DST: variants seen among roughly 807,000 people sequenced by gnomAD.
DST encodes the protein dystonin, also known as bullous pemphigoid antigen.
Under a neutral mutation model 875.2 loss-of-function variants are expected in DST, and 253 were observed. That is an observed-to-expected ratio of 0.29 (90% confidence interval 0.26 to 0.32). The LOEUF is 0.32. Ranked by LOEUF, DST falls within the 10% of genes least tolerant of loss-of-function variation. The pLI is 1.00. For missense variants in DST, 8,287 were observed against 9,111.6 expected (o/e 0.91, Z 3.68); for synonymous variants, 3,124 against 3,197.1 (o/e 0.98, Z 0.77).
At chr6:56,716,586 A>C (rs1328852153) in intron 5 of DST, among the ~76,000 whole-genome samples, 1 of 152,236 alleles carries the variant, frequency 6.6e-6, no homozygotes, top group Non-Finnish European at 1.5e-5. Flanking sequence ...GGGATGGCTC[A>C]CAACTGTAAT....
At chr6:56,934,113 C>A (rs1184681906) in intron 2 of DST, among the ~76,000 whole-genome samples, 1 of 152,018 alleles carries the variant, frequency 6.6e-6, no homozygotes, top group African/African-American at 2.4e-5. Context: ...AAAATCTTCC[C>A]ATCTCAGCCT....
At chr6:56,841,089 C>T (rs748232313) in intron 4 of DST, among the ~76,000 whole-genome samples, 4 of 152,150 alleles carry the variant, frequency 2.6e-5, no homozygotes, top group Non-Finnish European at 5.9e-5. Flanking sequence ...ACTGACACTC[C>T]CTATTCAAAG....
chr6:56,505,481 G>GA (rs71549712), intron 77 of DST, among the ~76,000 whole-genome samples: 97,544 of 139,576 alleles, frequency 0.7, 32,766 homozygotes, highest in East Asian at 0.78. Context: ...GGTTACAAAA[G>GA]AAAAAAAAAA....
At chr6:56,943,031 C>T (rs1197748434) in intron 2 of DST, among the ~76,000 whole-genome samples, 1 of 152,108 alleles carries the variant, frequency 6.6e-6, no homozygotes, top group Non-Finnish European at 1.5e-5. Flanking sequence ...CAATATTTGC[C>T]ATTTCTGACG....
chr6:56,777,228 T>C (rs182808659), intron 4 of DST, among the ~76,000 whole-genome samples: 15 of 152,222 alleles, frequency 9.9e-5, no homozygotes, highest in African/African-American at 3.6e-4. Context: ...ACCCTGTTTC[T>C]GAATAAACTC....
At chr6:56,504,357 C>T (rs181733509) in intron 77 of DST, among the ~76,000 whole-genome samples, 2 of 152,096 alleles carry the variant, frequency 1.3e-5, no homozygotes, top group Admixed American at 1.3e-4. Flanking sequence ...TTATGAACTT[C>T]TAAAAAAATC....
At chr6:56,558,881 T>A (rs1174169475) in intron 58 of DST, among the ~76,000 whole-genome samples, 1 of 152,066 alleles carries the variant, frequency 6.6e-6, no homozygotes, top group Non-Finnish European at 1.5e-5. Context: ...CCCAACCCTA[T>A]CCTTCCTTTA....
At chr6:56,596,265 G>A (rs2098385381) in intron 47 of DST, among the ~76,000 whole-genome samples, 1 of 152,020 alleles carries the variant, frequency 6.6e-6, no homozygotes, top group Admixed American at 6.6e-5. Flanking sequence ...CTGACCTTGT[G>A]ATCCACCCGC....
Position 56,832,353 on chromosome 6 carries a change from A to C in DST, c.625+19044T>G, listed in dbSNP as rs142102151. Among the ~76,000 whole-genome samples the C allele has an allele frequency of 3.4e-3, 518 of 152,212 alleles. 7 individuals carry two copies. Among genetic ancestry groups the C allele is most frequent in the Non-Finnish European group, 3.6e-3 (245 of 68,014 alleles). ...TAACTAGAACTTACTAGTTCTAGTA[A>C]GTCTCACGAGATTCTGATGGTTTTA... On this transcript the variant is annotated intron_variant, in intron 4 of 103. Coordinates refer to ENST00000680361, the MANE Select transcript of DST (RefSeq NM_001374736.1).
chr6:56,872,151 A>G (rs548955993), intron 3 of DST, among the ~76,000 whole-genome samples: 15 of 152,184 alleles, frequency 9.9e-5, no homozygotes, highest in Non-Finnish European at 2.1e-4. Context: ...TCATACAGTA[A>G]AGGCCTGAAA....
intron 18 of DST, 21 bp from the exon 19 acceptor site, chr6:56,640,078 A>C: frequency 6.2e-7 from 1 of 1,614,016 alleles, no homozygotes; most frequent in South Asian, 1.1e-5. Flanking sequence ...TAAAATACTA[A>C]GTTTAAAAAA....
At chr6:56,642,986 C>T in intron 15 of DST, 1 of 1,322,086 alleles carries the variant, frequency 7.6e-7, no homozygotes, top group Non-Finnish European at 1.0e-6. Flanking sequence ...AAGAATCTAG[C>T]CTAAAGCCAT....
chr6:56,871,998 T>C (rs1364741562), intron 3 of DST, among the ~76,000 whole-genome samples: 1 of 152,158 alleles, frequency 6.6e-6, no homozygotes, highest in African/African-American at 2.4e-5. Flanking sequence ...GAAAAAGAGT[T>C]TGGCATTATC....
intron 4 of DST, among the ~76,000 whole-genome samples, chr6:56,826,138 A>C (rs2099780217): frequency 6.6e-6 from 1 of 152,232 alleles, no homozygotes; most frequent in Non-Finnish European, 1.5e-5. Flanking sequence ...GCCTAGAAAG[A>C]CAGCCTGCAA....
intron 4 of DST, among the ~76,000 whole-genome samples, chr6:56,807,333 T>G (rs183918786): frequency 6.6e-6 from 1 of 152,332 alleles, no homozygotes; most frequent in Non-Finnish European, 1.5e-5. Flanking sequence ...GCCTCCCAAC[T>G]GATCTTTAGA....
At chr6:56,744,228 G>T (rs181448139) in intron 4 of DST, among the ~76,000 whole-genome samples, 94 of 152,110 alleles carry the variant, frequency 6.2e-4, no homozygotes, top group Admixed American at 9.8e-4. Context: ...TACCTTCTGA[G>T]CTTAATGACT....
rs1010166050 is a variant in DST at position 56,565,482 on chromosome 6, T to C, written c.14005+2987A>G. On this transcript the variant is annotated intron_variant, in intron 55 of 103. Transcript: ENST00000680361. ...AAGGAATGATACCAGCTCCTCTTTG[T>C]ACCTCTGCTAGAATTCAGCTGTGAA... 2.0e-5 allele frequency among the ~76,000 whole-genome samples: 3 copies of C among 152,208 alleles called. No homozygotes were observed. The East Asian group carries it at 5.8e-4, about 29-fold the overall frequency.
intron 34 of DST, among the ~76,000 whole-genome samples, chr6:56,625,591 CTT>C (rs1164695225): frequency 3.9e-5 from 6 of 151,994 alleles, no homozygotes; most frequent in Non-Finnish European, 8.8e-5. Context: ...TGTAAACAAA[CTT>C]ACTGTGCTGC....
chr6:56,873,644 A>G (rs1233117916), intron 3 of DST, among the ~76,000 whole-genome samples: 1 of 152,182 alleles, frequency 6.6e-6, no homozygotes, highest in East Asian at 1.9e-4. Context: ...GTTCTCACTC[A>G]TGTTGGAGTT....
Sources: allele counts gnomAD v4.1 joint callset (sites outside exome capture counted in the v4.1 genomes callset), GRCh38; gene constraint gnomAD v4.1.1; transcripts MANE v1.5; gene names NCBI Gene and HGNC (gene_info 2026-07-23, HGNC 2026-07-21).